Variants in ITPR1 observed in about 807,000 individuals in gnomAD.
The protein encoded by ITPR1 is inositol 1,4,5-trisphosphate receptor type 1.
Under a neutral mutation model 318.4 loss-of-function variants are expected in ITPR1, and 96 were observed. That is an observed-to-expected ratio of 0.30 (90% CI 0.26 to 0.36). The LOEUF (loss-of-function observed/expected upper bound fraction) is 0.36, where lower values mean the gene tolerates loss of function less well. ITPR1 is among the 10% of genes least tolerant of loss of function. The pLI, the probability that ITPR1 is intolerant of heterozygous loss-of-function variation, is 1.00. For missense variants in ITPR1, 2,440 were observed against 3,460.2 expected (o/e 0.71, Z 7.40); for synonymous variants, 1,312 against 1,289.9 (o/e 1.02, Z -0.37).
intron 4 of ITPR1, among the ~76,000 whole-genome samples, chr3:4,524,861 C>T (rs1428199170): frequency 6.6e-6 from 1 of 152,172 alleles, no homozygotes; most frequent in Non-Finnish European, 1.5e-5. Context: ...TCACCTTTGC[C>T]AACCTTGGTT....
In ITPR1 at chr3:4,768,617, C is replaced by T. The variant is rs765881141; in HGVS notation, c.5832C>T (p.Pro1944=). The T allele has an allele frequency of 1.1e-5, 17 of 1,613,856 alleles. No individual in the cohort carries two copies. The highest frequency in any genetic ancestry group is 6.7e-5 in the African/African-American group (5 of 74,926). The change falls in exon 46 of 62, where the codon CCC becomes CCT. Residue 1944 remains proline, a synonymous_variant. Coordinates refer to ENST00000649015, the MANE Select transcript of ITPR1 (RefSeq NM_001378452.1). The part of the protein sequence containing the change: ...AFTTFRREAD[P]DDHYQPGEGT... ...CCACTTTCAGGAGGGAGGCTGATCCCGACGACCACTACCAGCCTGGAGAGG... is the reference window on the plus strand; with the variant it reads ...CCACTTTCAGGAGGGAGGCTGATCCTGACGACCACTACCAGCCTGGAGAGG...
At chr3:4,656,749 T>C (rs922918283) in intron 12 of ITPR1, among the ~76,000 whole-genome samples, 8 of 152,172 alleles carry the variant, frequency 5.3e-5, no homozygotes. Context: ...GAAGTCTCCT[T>C]CCTCTCTGTC....
rs151032031 is a variant in ITPR1 at position 4,578,644 on chromosome 3, T to C, written c.164-49119T>C. On this transcript the variant is annotated intron_variant, in intron 4 of 61. Coordinates refer to ENST00000649015, the MANE Select transcript of ITPR1 (RefSeq NM_001378452.1). ...TCAGTATTTGAGTTACCGTTGTTCATAGAGCCACGTGCTAAGTGCTCCTCC... is the reference window on the plus strand; with the variant it reads ...TCAGTATTTGAGTTACCGTTGTTCACAGAGCCACGTGCTAAGTGCTCCTCC... Among the ~76,000 whole-genome samples the C allele has an allele frequency of 3.3e-4, 51 of 152,330 alleles. No homozygotes were observed. In the East Asian group the frequency reaches 6.4e-3, roughly 19 times the overall value.
chr3:4,632,281 T>C (rs2093037726), intron 5 of ITPR1, among the ~76,000 whole-genome samples: 1 of 152,244 alleles, frequency 6.6e-6, no homozygotes, highest in African/African-American at 2.4e-5. Flanking sequence ...TTTGCTTTTC[T>C]GGTATAAAGA....
At chr3:4,845,721 T>G (rs2051719664) in intron 61 of ITPR1, among the ~76,000 whole-genome samples, 1 of 152,180 alleles carries the variant, frequency 6.6e-6, no homozygotes, top group Admixed American at 6.5e-5. Flanking sequence ...ACTGAAAGTG[T>G]GGACACGAAC....
chr3:4,704,805 T>C (rs760488983), intron 36 of ITPR1, among the ~76,000 whole-genome samples: 1 of 152,042 alleles, frequency 6.6e-6, no homozygotes, highest in Non-Finnish European at 1.5e-5. Context: ...TCTGTGCCTC[T>C]TGGGGGTCGC....
intron 44 of ITPR1, among the ~76,000 whole-genome samples, chr3:4,742,358 A>G (rs542364980): frequency 4.6e-5 from 7 of 152,338 alleles, no homozygotes; most frequent in Non-Finnish European, 8.8e-5. Context: ...GTGGTCCGGT[A>G]GACAAGTGGA....
At chr3:4,512,807 A>C (rs1334766238) in intron 2 of ITPR1, among the ~76,000 whole-genome samples, 1 of 152,186 alleles carries the variant, frequency 6.6e-6, no homozygotes, top group South Asian at 2.1e-4. Context: ...GGAGGAAATG[A>C]AAGCAGAGAG....
chr3:4,685,065 C>T lies in ITPR1; in HGVS notation c.3565-4C>T, dbSNP rs374122245. On this transcript the variant is annotated splice_region_variant and splice_polypyrimidine_tract_variant and intron_variant, in intron 29 of 61. Transcript: ENST00000649015. ...TCTGAGACTGATTTCTTTCATTCTA[C>T]TAGATTTTGATTCGGCTTAGCAAAC... 6.0e-5 allele frequency: 96 copies of T among 1,607,366 alleles called. No individual in the cohort carries two copies. The highest frequency in any genetic ancestry group is 2.8e-4 in the South Asian group (25 of 89,798).
At position 4,676,675 on chromosome 3, in the gene ITPR1, G is replaced by A. The variant is rs1312132664; in HGVS notation, c.2841G>A (p.Arg947=). 1.8e-5 allele frequency: 29 copies of A among 1,613,658 alleles called. No homozygotes were observed. The highest frequency in any genetic ancestry group is 2.4e-5 in the Non-Finnish European group (28 of 1,179,836). Residue 947 remains arginine (R), a synonymous_variant, in exon 24 of 62, where the codon CGG becomes CGA. Transcript: ENST00000649015. ...VGELMTQVVL[R]GGGFLPMTPM... is the part of the protein sequence containing the mutation. ...AGCTGATGACCCAGGTGGTGCTCCG[G>A]GGAGGAGGCTTTTTGCCCATGACTC...
At chr3:4,667,572 G>T in intron 18 of ITPR1, 23 bp downstream of exon 18, 1 of 1,599,820 alleles carries the variant, frequency 6.3e-7, no homozygotes, top group African/African-American at 1.3e-5. Flanking sequence ...TGGGGTCCAT[G>T]CAGGATGGTG....
In ITPR1 at chr3:4,664,916, G is replaced by A. The variant is rs187394398; in HGVS notation, c.1555-222G>A. On this transcript the variant is annotated intron_variant, in intron 16 of 61. Transcript: ENST00000649015. The stretch of plus-strand genomic sequence containing the variant: ...TTAAACGCTTTGCTCTAAGCACTGT[G>A]CTGTTAGGTGTATGAGGACCAGTGG... 1.8e-4 allele frequency among the ~76,000 whole-genome samples: 28 copies of A among 152,330 alleles called. No individual in the cohort carries two copies. In the East Asian group the frequency reaches 5.2e-3, roughly 28 times the overall value.
At chr3:4,546,017 T>C (rs1164368775) in intron 4 of ITPR1, among the ~76,000 whole-genome samples, 1 of 152,150 alleles carries the variant, frequency 6.6e-6, no homozygotes, top group East Asian at 1.9e-4. Flanking sequence ...TTTTTCTATG[T>C]CTTAATTTGC....
In ITPR1 at chr3:4,673,165, G is replaced by A. The variant is rs1286814952; in HGVS notation, c.2234G>A (p.Cys745Tyr). Residue 745 changes from cysteine to tyrosine, a missense_variant, in exon 21 of 62, where the codon TGT becomes TAT. Coordinates refer to ENST00000649015, the MANE Select transcript of ITPR1 (RefSeq NM_001378452.1). ...RYQLNLFARMCLDRQYLAINE... is the reference protein window; with the variant it reads ...RYQLNLFARMYLDRQYLAINE... ...CAGCTGAACCTCTTTGCGAGGATGT[G>A]TCTGGACCGCCAATACCTGGCCATC... 1 of 1,613,900 alleles carries A rather than the reference G, an allele frequency of 6.2e-7. No homozygotes were observed. Among genetic ancestry groups the A allele is most frequent in the Admixed American group, 1.7e-5 (1 of 60,022 alleles).
chr3:4,596,586 A>G (rs939299180), intron 4 of ITPR1, among the ~76,000 whole-genome samples: 5 of 152,232 alleles, frequency 3.3e-5, no homozygotes, highest in Non-Finnish European at 7.3e-5. Context: ...TAATAAAGGT[A>G]TAAAGTGTCA....
intron 4 of ITPR1, among the ~76,000 whole-genome samples, chr3:4,529,405 G>A (rs1157121709): frequency 6.6e-6 from 1 of 152,160 alleles, no homozygotes; most frequent in Non-Finnish European, 1.5e-5. Flanking sequence ...TTGTCATATT[G>A]TCATATTGTT....
rs529466069 is a variant in ITPR1 at position 4,792,713 on chromosome 3, G to A, written c.6809-2352G>A. Among the ~76,000 whole-genome samples the A allele has an allele frequency of 4.7e-3, 713 of 152,256 alleles. 6 individuals are homozygous for A. Among genetic ancestry groups the A allele is most frequent in the African/African-American group, 0.016 (678 of 41,534 alleles). ...GATGAGACAGAGGGAGAGGGAGAGA[G>A]AGGGGAGGAGAAGGAAGCCACAGTG... On this transcript the variant is annotated intron_variant, in intron 52 of 61. Coordinates refer to ENST00000649015, the MANE Select transcript of ITPR1 (RefSeq NM_001378452.1).
intron 40 of ITPR1, among the ~76,000 whole-genome samples, chr3:4,720,739 A>G (rs1004609660): frequency 1.3e-5 from 2 of 152,114 alleles, no homozygotes; most frequent in South Asian, 2.1e-4. Flanking sequence ...TAACTCCTCG[A>G]CTTCTCCTAC....
chr3:4,754,322 C>T (rs1385760205), intron 44 of ITPR1, among the ~76,000 whole-genome samples: 3 of 152,162 alleles, frequency 2.0e-5, no homozygotes, highest in Non-Finnish European at 4.4e-5. Flanking sequence ...CAGCACTGGA[C>T]CCTCCTCCCG....
Sources: allele counts gnomAD v4.1 joint callset (sites outside exome capture counted in the v4.1 genomes callset), GRCh38; gene constraint gnomAD v4.1.1; transcripts MANE v1.5; gene names NCBI Gene and HGNC (gene_info 2026-07-23, HGNC 2026-07-21).